TMEM132B: variants seen among roughly 807,000 people sequenced by gnomAD.
The protein encoded by TMEM132B is transmembrane protein 132B.
Under a neutral mutation model 90.8 loss-of-function variants are expected in TMEM132B, and 18 were observed. The ratio of observed to expected loss-of-function variants is 0.20; its 90% CI spans 0.14 to 0.29. The LOEUF is 0.29. Among genes scored for constraint, TMEM132B ranks in the 10% least tolerant of loss-of-function variants. The probability of loss-of-function intolerance (pLI) is 1.00; values close to 1 mark genes in which losing one functional copy is unlikely to be tolerated. For synonymous variants in TMEM132B, 504 were observed against 523.3 expected (o/e 0.96, Z 0.50); for missense variants, 1,096 against 1,326.8 (o/e 0.83, Z 2.70).
rs1207994304 is a variant in TMEM132B, at chr12:125,654,166, A to G, written c.2708A>G (p.Glu903Gly). ...ACCTCAAGGGGGCTAACGGACTTGGAGATTGGCATGTATGCCTTGCTCTGC... is the reference window on the plus strand; with the variant it reads ...ACCTCAAGGGGGCTAACGGACTTGGGGATTGGCATGTATGCCTTGCTCTGC... Reference protein sequence around the residue: ...TVTSRGLTDLEIGMYALLCVF... With the variant: ...TVTSRGLTDLGIGMYALLCVF... Residue 903 changes from glutamate to glycine, a missense_variant, in exon 9 of 9, where the codon GAG becomes GGG. Transcript: ENST00000682704. The surrounding 1 kb of genome is among the most constrained non-coding windows in gnomAD (Gnocchi z 5.8). 1 of 1,614,194 alleles carries G rather than the reference A, an allele frequency of 6.2e-7. No homozygotes were observed. The highest frequency in any genetic ancestry group is 1.7e-5 in the Admixed American group (1 of 60,014).
chr12:125,532,394 C>G (rs1393868485), intron 4 of TMEM132B, among the ~76,000 whole-genome samples: 1 of 152,182 alleles, frequency 6.6e-6, no homozygotes, highest in Non-Finnish European at 1.5e-5. Context: ...TCAGAAAATA[C>G]TGCCCTGGAA....
intron 2 of TMEM132B, among the ~76,000 whole-genome samples, chr12:125,401,535 G>A (rs1421835320): frequency 6.6e-6 from 1 of 152,168 alleles, no homozygotes; most frequent in Non-Finnish European, 1.5e-5. Flanking sequence ...GAGTCATGGT[G>A]GTGTCTGTGG....
chr12:125,381,464 T>A (rs570964993), intron 2 of TMEM132B, among the ~76,000 whole-genome samples: 1 of 152,226 alleles, frequency 6.6e-6, no homozygotes, highest in Admixed American at 6.5e-5. Flanking sequence ...CTCAGGAAAA[T>A]GGGGAGGCTA....
At chr12:125,201,830 CT>C (rs957350480) in intron 1 of TMEM132B, among the ~76,000 whole-genome samples, 3 of 152,306 alleles carry the variant, frequency 2.0e-5, no homozygotes, top group Middle Eastern at 3.4e-3. Flanking sequence ...CTGCTTTGGT[CT>C]GCTTTGCCAG....
chr12:125,526,611 T>C (rs1395056261), intron 4 of TMEM132B, among the ~76,000 whole-genome samples: 1 of 152,198 alleles, frequency 6.6e-6, no homozygotes, highest in East Asian at 1.9e-4. Flanking sequence ...GATTTAGGAC[T>C]TTGCTGCCAC....
At position 125,186,488 on chromosome 12, in the gene TMEM132B, C is replaced by A. The variant is rs1197451182; in HGVS notation, c.-312C>A. On this transcript the variant is annotated 5_prime_UTR_variant, in exon 1 of 9. Coordinates refer to ENST00000682704, the MANE Select transcript of TMEM132B (RefSeq NM_001366854.1). This position sits in a 1 kb window ranked among gnomAD's most constrained non-coding sequence, Gnocchi z 6.3. ...TGGGACGGGCGCTGGGGCGCAGGAGCCGCGGCGGCGGCGGCGGCGGGGGCC... is the reference window on the plus strand; with the variant it reads ...TGGGACGGGCGCTGGGGCGCAGGAGACGCGGCGGCGGCGGCGGCGGGGGCC... 1.4e-5 allele frequency among the ~76,000 whole-genome samples: 2 copies of A among 146,168 alleles called. No homozygotes were observed. Among genetic ancestry groups the A allele is most frequent in the Non-Finnish European group, 3.0e-5 (2 of 65,708 alleles).
intron 1 of TMEM132B, among the ~76,000 whole-genome samples, chr12:125,333,979 A>T (rs1933674119): frequency 6.6e-6 from 1 of 152,122 alleles, no homozygotes; most frequent in South Asian, 2.1e-4. Flanking sequence ...TCAGGGAAAA[A>T]TGAAAATTCA....
rs191297957 is a variant in TMEM132B, at chr12:125,654,110, G to A, written c.2652G>A (p.Pro884=). The A allele has an allele frequency of 1.3e-4, 203 of 1,614,170 alleles. No individual in the cohort carries two copies. Among genetic ancestry groups the A allele is most frequent in the Middle Eastern group, 1.6e-4 (1 of 6,062 alleles). The part of the protein sequence containing the change: ...FTSFPTQGKS[P]DPNNPSDLTV... ...GCTTCCCCACTCAAGGGAAGTCACC[G>A]GACCCCAATAATCCTAGTGACCTCA... The change falls in exon 9 of 9, where the codon CCG becomes CCA. Residue 884 remains proline, a synonymous_variant. Coordinates refer to ENST00000682704, the MANE Select transcript of TMEM132B (RefSeq NM_001366854.1). The surrounding 1 kb of genome is among the most constrained non-coding windows in gnomAD (Gnocchi z 5.8).
intron 3 of TMEM132B, among the ~76,000 whole-genome samples, chr12:125,509,440 G>T: frequency 6.6e-6 from 1 of 150,636 alleles, no homozygotes; most frequent in East Asian, 1.9e-4. Flanking sequence ...AGTTAATGAG[G>T]AGAACAACTA....
intron 1 of TMEM132B, among the ~76,000 whole-genome samples, chr12:125,292,337 T>C (rs1014540542): frequency 2.3e-4 from 35 of 152,234 alleles, no homozygotes; most frequent in African/African-American, 7.0e-4. Context: ...TTTTACACAC[T>C]GGAACAAATG....
intron 1 of TMEM132B, among the ~76,000 whole-genome samples, chr12:125,260,530 G>C (rs561695602): frequency 2.2e-5 from 3 of 135,724 alleles, no homozygotes; most frequent in Non-Finnish European, 4.7e-5. Context: ...TTTTTTTTTC[G>C]TAGAAACAAG....
intron 4 of TMEM132B, among the ~76,000 whole-genome samples, chr12:125,574,775 T>C (rs1017310925): frequency 6.6e-6 from 1 of 151,946 alleles, no homozygotes; most frequent in Non-Finnish European, 1.5e-5. Flanking sequence ...AAATTTTTTC[T>C]CATTGGCAAA....
chr12:125,468,478 G>A (rs540675606), intron 3 of TMEM132B, among the ~76,000 whole-genome samples: 17 of 152,340 alleles, frequency 1.1e-4, no homozygotes, highest in Non-Finnish European at 2.4e-4. Context: ...TGGAGGTGGG[G>A]AAGCCCAATG....
At chr12:125,606,829 GC>G (rs1885708442) in intron 5 of TMEM132B, among the ~76,000 whole-genome samples, 1 of 152,188 alleles carries the variant, frequency 6.6e-6, no homozygotes, top group Non-Finnish European at 1.5e-5. Context: ...CTTAAATTCT[GC>G]AGGAGGGCAG....
At chr12:125,250,302 A>G (rs1874290505) in intron 1 of TMEM132B, among the ~76,000 whole-genome samples, 1 of 152,262 alleles carries the variant, frequency 6.6e-6, no homozygotes, top group Non-Finnish European at 1.5e-5. Flanking sequence ...TTTACCTGCA[A>G]TAAGTCCCCA....
intron 1 of TMEM132B, among the ~76,000 whole-genome samples, chr12:125,284,572 G>C (rs73233338): frequency 0.068 from 10,297 of 152,188 alleles, 436 homozygotes; most frequent in South Asian, 0.11. Flanking sequence ...GCCAGTTTGC[G>C]TAGCATTGTC....
At chr12:125,259,115 G>A (rs1028517483) in intron 1 of TMEM132B, among the ~76,000 whole-genome samples, 2 of 152,182 alleles carry the variant, frequency 1.3e-5, no homozygotes, top group Non-Finnish European at 2.9e-5. Context: ...AATGAGTTTA[G>A]CTTTCCCAGT....
intron 2 of TMEM132B, among the ~76,000 whole-genome samples, chr12:125,400,571 A>G (rs1240880088): frequency 4.6e-5 from 7 of 152,164 alleles, no homozygotes; most frequent in Non-Finnish European, 1.0e-4. Flanking sequence ...TTGGCAGGCC[A>G]GGCTCCTGCC....
chr12:125,238,968 A>G (rs1259689245), intron 1 of TMEM132B, among the ~76,000 whole-genome samples: 2 of 152,102 alleles, frequency 1.3e-5, no homozygotes, highest in Non-Finnish European at 2.9e-5. Context: ...TCCTCAAAAG[A>G]TTTACATTCT....
Sources: allele counts gnomAD v4.1 joint callset (sites outside exome capture counted in the v4.1 genomes callset), GRCh38; gene constraint gnomAD v4.1.1; non-coding constraint Gnocchi (gnomAD v3.1); transcripts MANE v1.5; gene names NCBI Gene and HGNC (gene_info 2026-07-23, HGNC 2026-07-21).